The following MAPK14 variants were observed in gnomAD, a reference collection of about 807,000 sequenced individuals.
MAPK14 encodes the protein mitogen-activated protein kinase 14.
In MAPK14, 16 loss-of-function variants were observed where a neutral mutation model predicts 49.6. The ratio of observed to expected loss-of-function variants is 0.32; its 90% CI spans 0.22 to 0.49. The LOEUF (loss-of-function observed/expected upper bound fraction) is 0.49, where lower values mean the gene tolerates loss of function less well. MAPK14 is among the 20% of genes least tolerant of loss of function. The pLI is 0.99. For missense variants in MAPK14, 200 were observed against 441.2 expected (o/e 0.45, Z 4.90); for synonymous variants, 142 against 158.0 (o/e 0.90, Z 0.76).
intron 1 of MAPK14, among the ~76,000 whole-genome samples, chr6:36,037,774 G>A (rs1374746772): frequency 6.6e-6 from 1 of 152,090 alleles, no homozygotes; most frequent in Admixed American, 6.6e-5. Flanking sequence ...CTTGAGCCCA[G>A]TAGTTAGAAA....
chr6:36,045,449 T>C (rs1763135698), intron 1 of MAPK14, among the ~76,000 whole-genome samples: 2 of 152,126 alleles, frequency 1.3e-5, no homozygotes, highest in Admixed American at 1.3e-4. Flanking sequence ...ACTGATTCTG[T>C]TCTCTTTGTT....
downstream of MAPK14, among the ~76,000 whole-genome samples, chr6:36,112,816 T>C (rs1409725105): frequency 6.6e-6 from 1 of 152,214 alleles, no homozygotes. Flanking sequence ...TTTGCAAGAT[T>C]TGTGATTATT....
At chr6:36,084,164 A>G (rs1050328852) in intron 8 of MAPK14, among the ~76,000 whole-genome samples, 18 of 152,190 alleles carry the variant, frequency 1.2e-4, no homozygotes, top group African/African-American at 4.1e-4. Context: ...AACATCAACA[A>G]AAAGGTCCCC....
the MAPK14 span, among the ~76,000 whole-genome samples, chr6:36,118,668 A>T: frequency 7.9e-5 from 12 of 152,334 alleles, no homozygotes; most frequent in East Asian, 2.3e-3. Context: ...CCCCTGGGCC[A>T]TTGCTCAAGT....
At position 36,107,130 on chromosome 6, in the gene MAPK14, C is replaced by T. The variant is rs1581857048; in HGVS notation, c.842-325C>T. On this transcript the variant is annotated intron_variant, in intron 10 of 11. Coordinates refer to ENST00000229794, the MANE Select transcript of MAPK14 (RefSeq NM_139012.3). The surrounding 1 kb of genome is among the most constrained non-coding windows in gnomAD (Gnocchi z 4.3). ...GGGTTGAGAGATAACCTATCGGGTA[C>T]AATGTTCACTATTTGGTTAATGGGC... 6.6e-6 allele frequency among the ~76,000 whole-genome samples: 1 copy of T among 152,158 alleles called. No individual in the cohort carries two copies.
chr6:36,083,513 G>T (rs1240903135), intron 8 of MAPK14, among the ~76,000 whole-genome samples: 2 of 152,188 alleles, frequency 1.3e-5, no homozygotes, highest in Non-Finnish European at 2.9e-5. Context: ...TCCCCTGCTG[G>T]TGCTGGAGAG....
chr6:36,056,292 C>T (rs1562113785), intron 2 of MAPK14, among the ~76,000 whole-genome samples: 1 of 152,136 alleles, frequency 6.6e-6, no homozygotes, highest in South Asian at 2.1e-4. Flanking sequence ...GCCTTTTGTA[C>T]TAGGCACCTT....
the MAPK14 span, among the ~76,000 whole-genome samples, chr6:36,119,320 T>C: frequency 2.6e-5 from 4 of 152,336 alleles, no homozygotes; most frequent in Non-Finnish European, 2.9e-5. Context: ...AATTTGCCCG[T>C]GCAAAAACTG....
chr6:36,042,403 G>A (rs573910609), intron 1 of MAPK14, among the ~76,000 whole-genome samples: 1 of 151,178 alleles, frequency 6.6e-6, no homozygotes, highest in East Asian at 1.9e-4. Flanking sequence ...TGTTCATTTT[G>A]ACTCCTCGGC....
chr6:36,075,736 G>T, intron 6 of MAPK14, 112 bp from the exon 7 acceptor site: 1 of 1,410,526 alleles, frequency 7.1e-7, no homozygotes, highest in South Asian at 1.2e-5. Flanking sequence ...GTGCTATTTT[G>T]TTCTCCTTTT....
At chr6:36,065,627 AGCCTCAT>A (rs1304574465) in intron 3 of MAPK14, among the ~76,000 whole-genome samples, 17 of 151,614 alleles carry the variant, frequency 1.1e-4, no homozygotes, top group African/African-American at 3.9e-4. Context: ...TTATAAGCTA[AGCCTCAT>A]TAAGGTGGTT....
chr6:36,063,881 A>G (rs1009547798), intron 3 of MAPK14, among the ~76,000 whole-genome samples: 2 of 152,182 alleles, frequency 1.3e-5, no homozygotes, highest in African/African-American at 4.8e-5. Flanking sequence ...AAATGACTGG[A>G]AATCCTTTGG....
At chr6:36,114,208 C>T (rs546255954), downstream of MAPK14, among the ~76,000 whole-genome samples, 10 of 152,306 alleles carry the variant, frequency 6.6e-5, no homozygotes, top group South Asian at 4.1e-4. Context: ...GGAACAAAAT[C>T]ATCCCTGGTT....
chr6:36,101,189 C>G (rs1765621223), intron 9 of MAPK14, among the ~76,000 whole-genome samples: 1 of 152,122 alleles, frequency 6.6e-6, no homozygotes. Flanking sequence ...CCTGCAACCT[C>G]AGCACTTTGG....
chr6:36,114,402 A>C (rs1766024409), downstream of MAPK14, among the ~76,000 whole-genome samples: 1 of 152,204 alleles, frequency 6.6e-6, no homozygotes, highest in Admixed American at 6.5e-5. Context: ...GGATCACCTG[A>C]GGTCAGGAGT....
rs1765820127 is a variant in MAPK14 at position 36,107,119 on chromosome 6, C to A, written c.842-336C>A. On this transcript the variant is annotated intron_variant, in intron 10 of 11. Coordinates refer to ENST00000229794, the MANE Select transcript of MAPK14 (RefSeq NM_139012.3). This position sits in a 1 kb window ranked among gnomAD's most constrained non-coding sequence, Gnocchi z 4.3. ...GAGGAGGGTGAGGGTTGAGAGATAA[C>A]CTATCGGGTACAATGTTCACTATTT... Among the ~76,000 whole-genome samples, 1 of 152,126 alleles carries A rather than the reference C, an allele frequency of 6.6e-6. No individual in the cohort carries two copies. Among genetic ancestry groups the A allele is most frequent in the Non-Finnish European group, 1.5e-5 (1 of 68,028 alleles).
intron 1 of MAPK14, among the ~76,000 whole-genome samples, chr6:36,036,766 A>G (rs1259789780): frequency 6.6e-6 from 1 of 152,020 alleles, no homozygotes; most frequent in African/African-American, 2.4e-5. Context: ...TTCTAGATGG[A>G]GTCTCGCTCT....
intron 1 of MAPK14, among the ~76,000 whole-genome samples, chr6:36,046,528 C>A (rs1043926572): frequency 6.6e-6 from 1 of 152,150 alleles, no homozygotes; most frequent in African/African-American, 2.4e-5. Context: ...GAAATATAAA[C>A]ATAATTCTCA....
At chr6:36,091,110 T>G (rs1035353613) in intron 8 of MAPK14, among the ~76,000 whole-genome samples, 1 of 152,204 alleles carries the variant, frequency 6.6e-6, no homozygotes, top group African/African-American at 2.4e-5. Context: ...GGCAGGTAGG[T>G]CCTGCAATTG....
Sources: gnomAD v4.1 joint callset for allele counts (sites outside exome capture counted in the v4.1 genomes callset) on GRCh38, gnomAD v4.1.1 for gene constraint, Gnocchi (gnomAD v3.1) non-coding constraint, MANE v1.5 for transcripts, NCBI Gene and HGNC (gene_info 2026-07-23, HGNC 2026-07-21) for gene names.